Variants in CPEB3 observed in about 807,000 individuals in gnomAD.
CPEB3 encodes cytoplasmic polyadenylation element-binding protein 3.
Under a neutral mutation model 67.2 loss-of-function variants are expected in CPEB3, and 20 were observed. That is an observed-to-expected ratio of 0.30 (90% CI 0.21 to 0.43). The LOEUF (loss-of-function observed/expected upper bound fraction) is 0.43. Among genes scored for constraint, CPEB3 ranks in the 20% least tolerant of loss-of-function variants. The probability of loss-of-function intolerance (pLI) is 1.00; values close to 1 mark genes in which losing one functional copy is unlikely to be tolerated. For synonymous variants in CPEB3, 376 were observed against 393.1 expected (o/e 0.96, Z 0.51); for missense variants, 746 against 968.6 (o/e 0.77, Z 3.05).
chr10:92,286,122 A>G (rs1427227809), intron 1 of CPEB3, among the ~76,000 whole-genome samples: 1 of 151,746 alleles, frequency 6.6e-6, no homozygotes, highest in East Asian at 1.9e-4. Context: ...TTTTTAGTAG[A>G]GACAGGGTTT....
At chr10:92,137,391 A>C in intron 6 of CPEB3, 1 of 1,114,286 alleles carries the variant, frequency 9.0e-7, no homozygotes, top group South Asian at 1.6e-5. Context: ...AGATGTTTGT[A>C]CTGGACGAAG....
At chr10:92,252,803 A>G (rs1478676672) in intron 1 of CPEB3, among the ~76,000 whole-genome samples, 2 of 152,132 alleles carry the variant, frequency 1.3e-5, no homozygotes, top group Non-Finnish European at 2.9e-5. Flanking sequence ...TACATGTGTG[A>G]GCCACTGTGC....
At chr10:92,116,369 C>G (rs1332944319) in intron 6 of CPEB3, among the ~76,000 whole-genome samples, 1 of 151,868 alleles carries the variant, frequency 6.6e-6, no homozygotes, top group East Asian at 1.9e-4. Context: ...ATTAAAGTTA[C>G]TTGAATGACA....
At chr10:92,186,665 C>T (rs1848708260) in intron 3 of CPEB3, among the ~76,000 whole-genome samples, 1 of 152,100 alleles carries the variant, frequency 6.6e-6, no homozygotes, top group South Asian at 2.1e-4. Context: ...GAAGTCCTGA[C>T]CTCAAGCGAT....
intron 1 of CPEB3, among the ~76,000 whole-genome samples, chr10:92,246,792 G>A (rs919324938): frequency 2.5e-4 from 38 of 152,012 alleles, no homozygotes; most frequent in Admixed American, 2.2e-3. Context: ...ACAGGCATAA[G>A]CCACCACGCC....
intron 6 of CPEB3, among the ~76,000 whole-genome samples, chr10:92,121,262 C>G (rs1305521439): frequency 4.0e-5 from 6 of 151,466 alleles, no homozygotes; most frequent in African/African-American, 1.2e-4. Flanking sequence ...TCCGCCTCGG[C>G]CTCCCAAAGT....
chr10:92,285,664 T>C (rs1367075597), intron 1 of CPEB3, among the ~76,000 whole-genome samples: 1 of 152,244 alleles, frequency 6.6e-6, no homozygotes, highest in African/African-American at 2.4e-5. Context: ...AGATCTATAG[T>C]TCAAGTTATA....
chr10:92,127,548 A>T (rs1845661102), intron 6 of CPEB3, among the ~76,000 whole-genome samples: 1 of 152,082 alleles, frequency 6.6e-6, no homozygotes, highest in African/African-American at 2.4e-5. Flanking sequence ...GTGTGGTAGC[A>T]CACAGCTGTA....
chr10:92,089,303 G>A (rs1314815571), intron 8 of CPEB3, among the ~76,000 whole-genome samples: 1 of 152,116 alleles, frequency 6.6e-6, no homozygotes, highest in African/African-American at 2.4e-5. Context: ...TAAACTAGAA[G>A]TCTTGGGATG....
chr10:92,279,170 A>G (rs187586192), intron 1 of CPEB3, among the ~76,000 whole-genome samples: 6 of 152,296 alleles, frequency 3.9e-5, no homozygotes, highest in African/African-American at 7.2e-5. Context: ...TGTTGGCTAC[A>G]GATTTTTTTG....
chr10:92,289,732 A>AAAAAAAAATATATAT, intron 1 of CPEB3, among the ~76,000 whole-genome samples: 17 of 75,772 alleles, frequency 2.2e-4, no homozygotes, highest in Non-Finnish European at 2.3e-4. Flanking sequence ...AAAAAAAAAA[A>AAAAAAAAATATATAT]ATATATATAT....
At position 92,181,021 on chromosome 10, in the gene CPEB3, TA is replaced by T; in HGVS notation, c.1166-3del. 2 of 1,472,726 alleles carry T rather than the reference TA, an allele frequency of 1.4e-6. No homozygotes were observed. The highest frequency in any genetic ancestry group is 1.9e-6 in the Non-Finnish European group (2 of 1,053,680). The allele number at this position is 1,472,726 out of a possible 1,614,324, so 91.2% of individuals were successfully genotyped here. A position where few individuals can be genotyped will look rare whatever the true frequency, so the allele number is the denominator to read the frequency against. Reference sequence around the variant, plus strand: ...GATGGAAATTTATCCCCATGCGTCCTAAAAAATAAAATAATTTTAAGCAAAA... The same window carrying T: ...GATGGAAATTTATCCCCATGCGTCCTAAAAATAAAATAATTTTAAGCAAAA... On this transcript the variant is annotated splice_region_variant and splice_polypyrimidine_tract_variant and intron_variant, in intron 3 of 9. Coordinates refer to ENST00000265997, the MANE Select transcript of CPEB3 (RefSeq NM_014912.5).
chr10:92,081,338 G>A lies in CPEB3; in HGVS notation c.1851C>T (p.His617=). 1 of 1,614,170 alleles carries A rather than the reference G, an allele frequency of 6.2e-7. No homozygotes were observed. The highest frequency in any genetic ancestry group is 8.5e-7 in the Non-Finnish European group (1 of 1,180,028). The change falls in exon 9 of 10, where the codon CAC becomes CAT. Residue 617 remains histidine (H), a synonymous_variant. Transcript: ENST00000265997. ...TGCTTACCCGTTTGTCAATGTCATT[G>A]TGCTGAAGCTGCACAAAACGAGCGC... ...AISARFVQLQ[H]NDIDKRVEVK...
intron 9 of CPEB3, among the ~76,000 whole-genome samples, chr10:92,059,585 A>G (rs181386697): frequency 6.6e-6 from 1 of 152,250 alleles, no homozygotes; most frequent in East Asian, 1.9e-4. Flanking sequence ...ACAAGGGAGA[A>G]CGAAACCCAA....
intron 9 of CPEB3, among the ~76,000 whole-genome samples, chr10:92,074,526 G>T (rs1044313903): frequency 6.6e-6 from 1 of 152,152 alleles, no homozygotes; most frequent in Non-Finnish European, 1.5e-5. Flanking sequence ...ATGAAGAAAG[G>T]ATTCTTAAAA....
chr10:92,105,929 GC>G (rs558959374), intron 7 of CPEB3, among the ~76,000 whole-genome samples: 82 of 151,904 alleles, frequency 5.4e-4, no homozygotes, highest in Admixed American at 4.3e-3. Context: ...GTCTCACTCT[GC>G]CACCCAGGCT....
Position 92,049,703 on chromosome 10 carries a change from C to CT in CPEB3, c.*2508dup, listed in dbSNP as rs1852219079. On this transcript the variant is annotated 3_prime_UTR_variant, in exon 10 of 10. Coordinates refer to ENST00000265997, the MANE Select transcript of CPEB3 (RefSeq NM_014912.5). ...TTCAGGACAATGTTTTTTGCCTTCA[C>CT]TTTAGCTTTATGCTGTACAATCTTC... 6.6e-6 allele frequency: 1 copy of CT among 152,490 alleles called. No homozygotes were observed. The highest frequency in any genetic ancestry group is 1.5e-5 in the Non-Finnish European group (1 of 68,008). 9.4% of individuals were successfully genotyped at this position (152,490 alleles called of 1,614,324 possible).
intron 3 of CPEB3, among the ~76,000 whole-genome samples, chr10:92,192,201 C>T (rs1849012989): frequency 6.6e-6 from 1 of 152,128 alleles, no homozygotes; most frequent in South Asian, 2.1e-4. Flanking sequence ...CCCAGAAAAC[C>T]TGGCTGCTGG....
intron 7 of CPEB3, 64 bp from the exon 8 acceptor site, chr10:92,092,008 G>A: frequency 4.1e-6 from 4 of 974,810 alleles, no homozygotes; most frequent in South Asian, 4.0e-5. Context: ...AGAATAAGAT[G>A]ACTAAAGACA....
Sources: gnomAD v4.1 joint callset for allele counts (sites outside exome capture counted in the v4.1 genomes callset) on GRCh38, gnomAD v4.1.1 for gene constraint, MANE v1.5 for transcripts, NCBI Gene and HGNC (gene_info 2026-07-23, HGNC 2026-07-21) for gene names.